Variants in POLL observed in about 807,000 individuals in gnomAD.
POLL encodes DNA polymerase beta-2.
A neutral mutation model predicts 58.1 loss-of-function variants in POLL; 44 were observed. The observed-to-expected ratio is 0.76, with a 90% confidence interval of 0.60 to 0.97. The LOEUF is 0.97. POLL is among the 50% of genes least tolerant of loss of function. The probability of loss-of-function intolerance (pLI) is 0.00; values close to 1 mark genes in which losing one functional copy is unlikely to be tolerated. For missense variants in POLL, 632 were observed against 736.8 expected (o/e 0.86, Z 1.65); for synonymous variants, 290 against 283.2 (o/e 1.02, Z -0.24).
At position 101,579,342 on chromosome 10, in the gene POLL, A is replaced by T; in HGVS notation, c.*111T>A. The T allele has an allele frequency of 7.8e-7, 1 of 1,283,230 alleles. No individual in the cohort carries two copies. Among genetic ancestry groups the T allele is most frequent in the African/African-American group, 1.5e-5 (1 of 67,448 alleles). 79.5% of individuals were successfully genotyped at this position (1,283,230 alleles called of 1,614,324 possible). On this transcript the variant is annotated 3_prime_UTR_variant, in exon 9 of 9. Transcript: ENST00000370162. This position sits in a 1 kb window ranked among gnomAD's most constrained non-coding sequence, Gnocchi z 4.4. ...AGCCCTGGGCCCTGCTCGCTGAGGAAGCTGGTGGTTGGAGCGGCGAGGTTC... is the reference window on the plus strand; with the variant it reads ...AGCCCTGGGCCCTGCTCGCTGAGGATGCTGGTGGTTGGAGCGGCGAGGTTC...
intron 6 of POLL, 97 bp downstream of exon 6, chr10:101,583,411 G>C: frequency 7.4e-6 from 10 of 1,351,520 alleles, no homozygotes; most frequent in Non-Finnish European, 1.0e-5. Flanking sequence ...TCCCATCAGA[G>C]CACAGCATAG....
chr10:101,584,484 T>C, intron 5 of POLL, 118 bp downstream of exon 5: 1 of 601,436 alleles, frequency 1.7e-6, no homozygotes, highest in Non-Finnish European at 2.6e-6. Context: ...ATTTTCCTTT[T>C]TTTTCTTTTG....
chr10:101,584,456 G>A (rs551258229), intron 5 of POLL, 146 bp downstream of exon 5: 17 of 439,842 alleles, frequency 3.9e-5, no homozygotes, highest in Non-Finnish European at 6.3e-5. Flanking sequence ...TCAAGATTTT[G>A]CCAATCTGCT....
Position 101,587,350 on chromosome 10 carries a change from C to G in POLL, c.11G>C (p.Arg4Thr), listed in dbSNP as rs764949339. 23 of 1,614,012 alleles carry G rather than the reference C, an allele frequency of 1.4e-5. No individual in the cohort carries two copies. The highest frequency in any genetic ancestry group is 1.7e-6 in the Non-Finnish European group (2 of 1,180,004). MDPRGILKAFPKRQ... is the reference protein window; with the variant it reads MDPTGILKAFPKRQ... ...CTTGGGAAATGCCTTCAAGATACCCCTGGGATCCATTGAAGTATGGCTGGA... is the reference window on the plus strand; with the variant it reads ...CTTGGGAAATGCCTTCAAGATACCCGTGGGATCCATTGAAGTATGGCTGGA... The change falls in exon 2 of 9, where the codon AGG becomes ACG. Residue 4 changes from arginine (R) to threonine (T), a missense_variant. Physicochemically the swap from Arg to Thr is moderately conservative, Grantham distance 71. Transcript: ENST00000370162.
Position 101,588,156 on chromosome 10 carries a change from T to G in POLL, c.-381A>C. The G allele has an allele frequency of 6.6e-7, 1 of 1,519,954 alleles. No individual in the cohort carries two copies. The highest frequency in any genetic ancestry group is 8.8e-7 in the Non-Finnish European group (1 of 1,135,666). 94.2% of individuals were successfully genotyped at this position (1,519,954 alleles called of 1,614,324 possible). Reference sequence around the variant, plus strand: ...GAGTCGGTCCCCGGGTGGGGTCGACTACTGGCCAAGCTAGTCACCCGGGGG... The same window carrying G: ...GAGTCGGTCCCCGGGTGGGGTCGACGACTGGCCAAGCTAGTCACCCGGGGG... On this transcript the variant is annotated 5_prime_UTR_variant, in exon 1 of 9. Coordinates refer to ENST00000370162, the MANE Select transcript of POLL (RefSeq NM_001174084.2).
intron 5 of POLL, among the ~76,000 whole-genome samples, 193 bp downstream of exon 5, chr10:101,584,408 AC>A (rs34750857): frequency 6.6e-6 from 1 of 152,072 alleles, no homozygotes; most frequent in Non-Finnish European, 1.5e-5. Flanking sequence ...GATCCATATA[AC>A]CCCCAAGTAT....
chr10:101,583,700 G>A lies in POLL; in HGVS notation c.892-19C>T. 6.2e-7 allele frequency: 1 copy of A among 1,610,346 alleles called. No individual in the cohort carries two copies. Among genetic ancestry groups the A allele is most frequent in the South Asian group, 1.1e-5 (1 of 90,976 alleles). ...AGGCCTCCTAGAGGAGGAGGAGGCA[G>A]AGGCAAGAAAGAAGAGTGAGGAGAT... On this transcript the variant is annotated intron_variant, in intron 5 of 8. Coordinates refer to ENST00000370162, the MANE Select transcript of POLL (RefSeq NM_001174084.2).
At chr10:101,582,551 G>T (rs2063058355) in intron 7 of POLL, among the ~76,000 whole-genome samples, 1 of 152,092 alleles carries the variant, frequency 6.6e-6, no homozygotes, top group Non-Finnish European at 1.5e-5. Context: ...AATCTAGAGG[G>T]CTGGTGTTAC....
In POLL at chr10:101,585,510, C is replaced by G. The variant is rs369204086; in HGVS notation, c.411-32G>C. On this transcript the variant is annotated intron_variant, in intron 3 of 8. Transcript: ENST00000370162. The stretch of plus-strand genomic sequence containing the variant: ...GGATGGTGATGGGAGGTTAAGACAC[C>G]AAAGGTCTCACCCTGTATCTGTCCC... 2.0e-6 allele frequency: 3 copies of G among 1,485,650 alleles called. No homozygotes were observed. In the African/African-American group the frequency reaches 4.2e-5, roughly 21 times the overall value. The allele number at this position is 1,485,650 out of a possible 1,614,324, so 92.0% of individuals were successfully genotyped here. A position where few individuals can be genotyped will look rare whatever the true frequency, so the allele number is the denominator to read the frequency against.
chr10:101,585,313 G>C lies in POLL; in HGVS notation c.573+3C>G. The C allele has an allele frequency of 6.5e-7, 1 of 1,549,568 alleles. No individual in the cohort carries two copies. Among genetic ancestry groups the C allele is most frequent in the Non-Finnish European group, 8.7e-7 (1 of 1,148,698 alleles). ...GAGTTCTGAGGGATGGGAGGCTCCTGACCTGGGCTTGGGTGTTTGGTGCCT... is the reference window on the plus strand; with the variant it reads ...GAGTTCTGAGGGATGGGAGGCTCCTCACCTGGGCTTGGGTGTTTGGTGCCT... On this transcript the variant is annotated splice_donor_region_variant and intron_variant, in intron 4 of 8. Coordinates refer to ENST00000370162, the MANE Select transcript of POLL (RefSeq NM_001174084.2).
At position 101,580,083 on chromosome 10, in the gene POLL, T is replaced by C. The variant is rs2062897239; in HGVS notation, c.1363+165A>G. On this transcript the variant is annotated intron_variant, in intron 8 of 8. Transcript: ENST00000370162. This position sits in a 1 kb window ranked among gnomAD's most constrained non-coding sequence, Gnocchi z 4.1. ...AGGTGTGGCGGGGCTGTTCCATCTC[T>C]CCCTGGAGAGGATTCCGGCCCCGAT... The C allele has an allele frequency of 7.0e-6, 5 of 711,952 alleles. No homozygotes were observed. Among genetic ancestry groups the C allele is most frequent in the Non-Finnish European group, 1.1e-5 (5 of 437,594 alleles). 44.1% of individuals were successfully genotyped at this position (711,952 alleles called of 1,614,324 possible).
At position 101,579,875 on chromosome 10, in the gene POLL, C is replaced by T. The variant is rs897341356; in HGVS notation, c.1364-58G>A. 2 of 1,554,184 alleles carry T rather than the reference C, an allele frequency of 1.3e-6. No homozygotes were observed. The highest frequency in any genetic ancestry group is 2.5e-5 in the South Asian group (2 of 80,644). On this transcript the variant is annotated intron_variant, in intron 8 of 8. Transcript: ENST00000370162. This position sits in a 1 kb window ranked among gnomAD's most constrained non-coding sequence, Gnocchi z 4.4. Reference sequence around the variant, plus strand: ...GGGAACCAGGCCTGGGCTGTCCCATCCTCCCAGGTCTCTCCTGATGTCTAA... The same window carrying T: ...GGGAACCAGGCCTGGGCTGTCCCATTCTCCCAGGTCTCTCCTGATGTCTAA...
Position 101,582,825 on chromosome 10 carries a change from T to C in POLL, c.1132A>G (p.Lys378Glu), listed in dbSNP as rs1227860202. 7 of 1,613,954 alleles carry C rather than the reference T, an allele frequency of 4.3e-6. No individual in the cohort carries two copies. The highest frequency in any genetic ancestry group is 5.9e-6 in the Non-Finnish European group (7 of 1,179,896). ...CGTTCCAGGAAGTCACTGTAATGCT[T>C]CAGGCCGATGGCCTGCTGGGTTGTC... ...SLTTQQAIGLKHYSDFLERMP... is the reference protein window; with the variant it reads ...SLTTQQAIGLEHYSDFLERMP... Residue 378 changes from lysine (K) to glutamate (E), a missense_variant, in exon 7 of 9, where the codon AAG (lysine) becomes GAG (glutamate). Transcript: ENST00000370162.
intron 5 of POLL, among the ~76,000 whole-genome samples, 183 bp from the exon 6 acceptor site, chr10:101,583,864 G>A (rs1399102597): frequency 6.6e-6 from 1 of 152,148 alleles, no homozygotes; most frequent in Non-Finnish European, 1.5e-5. Context: ...TAGAATGAGG[G>A]CTGGGTAATT....
rs1369867024 is a variant in POLL at position 101,580,534 on chromosome 10, C to A, written c.1195-118G>T. On this transcript the variant is annotated intron_variant, in intron 7 of 8. Coordinates refer to ENST00000370162, the MANE Select transcript of POLL (RefSeq NM_001174084.2). The surrounding 1 kb of genome is among the most constrained non-coding windows in gnomAD (Gnocchi z 4.1). ...CCTCAGCTTATGCCCATTCCAGATG[C>A]CTGCTGCAAGCCCAGGGGAATCCAC... is the stretch of plus-strand genomic sequence containing the variant. 17 of 853,340 alleles carry A rather than the reference C, an allele frequency of 2.0e-5. No homozygotes were observed. The highest frequency in any genetic ancestry group is 2.5e-5 in the Non-Finnish European group (14 of 549,198). 52.9% of individuals were successfully genotyped at this position (853,340 alleles called of 1,614,324 possible). A position where few individuals can be genotyped will look rare whatever the true frequency, so the allele number is the denominator to read the frequency against.
chr10:101,580,256 C>T lies in POLL; in HGVS notation c.1355G>A (p.Arg452Gln), dbSNP rs756910621. The change falls in exon 8 of 9, where the codon CGG becomes CAG. Residue 452 changes from arginine to glutamine, a missense_variant. Physicochemically the swap from Arg to Gln is conservative, Grantham distance 43. Transcript: ENST00000370162. The surrounding 1 kb of genome is among the most constrained non-coding windows in gnomAD (Gnocchi z 4.1). ...AGAGATGGAGCTTATACCTTCCTGC[C>T]GAAGACTGTCAAGGAGGCGGCTGAA... is the stretch of plus-strand genomic sequence containing the variant. ...GIFSRLLDSL[R>Q]QEGFLTDDLV... 8.7e-6 allele frequency: 14 copies of T among 1,613,340 alleles called. No homozygotes were observed. Among genetic ancestry groups the T allele is most frequent in the East Asian group, 2.2e-5 (1 of 44,872 alleles).
Position 101,580,555 on chromosome 10 carries a change from T to G in POLL, c.1195-139A>C. 1 of 699,324 alleles carries G rather than the reference T, an allele frequency of 1.4e-6. No homozygotes were observed. The allele number at this position is 699,324 out of a possible 1,614,324, so 43.3% of individuals were successfully genotyped here. A position where few individuals can be genotyped will look rare whatever the true frequency, so the allele number is the denominator to read the frequency against. ...GATGCCTGCTGCAAGCCCAGGGGAA[T>G]CCACCCTGAGGAGCTGCTGTTCTTT... On this transcript the variant is annotated intron_variant, in intron 7 of 8. Coordinates refer to ENST00000370162, the MANE Select transcript of POLL (RefSeq NM_001174084.2). The surrounding 1 kb of genome is among the most constrained non-coding windows in gnomAD (Gnocchi z 4.1).
At chr10:101,581,129 G>C (rs755937740) in intron 7 of POLL, 5 of 152,288 alleles carry the variant, frequency 3.3e-5, no homozygotes, top group Non-Finnish European at 7.3e-5. Context: ...TTCATATGCA[G>C]ATGGCCTCCT....
At position 101,587,514 on chromosome 10, in the gene POLL, C is replaced by CG. The variant is rs370846463; in HGVS notation, c.-46-109dup. On this transcript the variant is annotated intron_variant, in intron 1 of 8. Transcript: ENST00000370162. Reference sequence around the variant, plus strand: ...AGCAGCCCAGTTTGGGGAAGCGGGTCGGGGGAGGGGGTCTCTTCAAACCCG... The same window carrying CG: ...AGCAGCCCAGTTTGGGGAAGCGGGTCGGGGGGAGGGGGTCTCTTCAAACCCG... 1.9e-4 allele frequency: 230 copies of CG among 1,241,822 alleles called. 1 individual carries two copies. In the African/African-American group the frequency reaches 3.8e-3, roughly 20 times the overall value. 76.9% of individuals were successfully genotyped at this position (1,241,822 alleles called of 1,614,324 possible). A position where few individuals can be genotyped will look rare whatever the true frequency, so the allele number is the denominator to read the frequency against.
Sources: allele counts gnomAD v4.1 joint callset (sites outside exome capture counted in the v4.1 genomes callset), GRCh38; gene constraint gnomAD v4.1.1; non-coding constraint Gnocchi (gnomAD v3.1); transcripts MANE v1.5; gene names NCBI Gene and HGNC (gene_info 2026-07-23, HGNC 2026-07-21).